Variants in CAPN3 observed in about 807,000 individuals in gnomAD.
CAPN3 encodes calpain-3.
In CAPN3, 88 loss-of-function variants were observed where a neutral mutation model predicts 114.0. That is an observed-to-expected ratio of 0.77 (90% confidence interval 0.65 to 0.92). The LOEUF is 0.92. CAPN3 is among the 40% of genes least tolerant of loss of function. The pLI is 0.00. For missense variants in CAPN3, 1,028 were observed against 1,069.0 expected, an observed-to-expected ratio of 0.96 and a Z score of 0.53; for synonymous variants, 386 against 382.9, an observed-to-expected ratio of 1.01 and a Z score of -0.09.
chr15:42,397,003 C>T, intron 9 of CAPN3, 126 bp downstream of exon 9: 1 of 746,808 alleles, frequency 1.3e-6, no homozygotes, highest in Non-Finnish European at 2.4e-6. Flanking sequence ...GTGTTCTCCT[C>T]CAGCCCAAGG....
rs1366875163 is a variant in CAPN3, at chr15:42,412,053, C to T, written c.*280C>T. 1 of 1,527,524 alleles carries T rather than the reference C, an allele frequency of 6.5e-7. No individual in the cohort carries two copies. Among genetic ancestry groups the T allele is most frequent in the Non-Finnish European group, 8.8e-7 (1 of 1,142,830 alleles). 94.6% of individuals were successfully genotyped at this position (1,527,524 alleles called of 1,614,324 possible). ...GCCTCTGGTCCGAGCCGCCTCGGTT[C>T]TGAAGCGAGTGCTCCTGCTTACCTT... is the stretch of plus-strand genomic sequence containing the variant. On this transcript the variant is annotated 3_prime_UTR_variant, in exon 24 of 24. Transcript: ENST00000397163.
chr15:42,411,690 G>GC (rs533985749), intron 23 of CAPN3, 57 bp from the exon 24 acceptor site: 50 of 184,440 alleles, frequency 2.7e-4, no homozygotes, highest in South Asian at 6.3e-4. Context: ...TCCTAGGGCG[G>GC]GGGGGGGGGG....
chr15:42,401,485 C>T lies in CAPN3; in HGVS notation c.1355-156C>T, dbSNP rs28364482. Among the ~76,000 whole-genome samples, 13,901 of 127,068 alleles carry T rather than the reference C, an allele frequency of 0.11. 1,803 individuals carry two copies. The highest frequency in any genetic ancestry group is 0.3 in the African/African-American group (9,668 of 31,920). The allele number at this position is 127,068 out of a possible 152,430, so 83.4% of individuals were successfully genotyped here. On this transcript the variant is annotated intron_variant, in intron 10 of 23. Transcript: ENST00000397163. ...GAATAAAGGTAGCGCCCCCCCCCCC[C>T]CCAAATCATTAGAGAAATGCCTGAA...
intron 1 of CAPN3, among the ~76,000 whole-genome samples, chr15:42,379,941 A>G (rs1261834885): frequency 6.6e-6 from 1 of 152,056 alleles, no homozygotes; most frequent in African/African-American, 2.4e-5. Context: ...ACATGGTGAA[A>G]CCCCATCTCT....
intron 9 of CAPN3, 26 bp downstream of exon 9, chr15:42,396,903 A>G (rs1007130873): frequency 6.4e-7 from 1 of 1,551,296 alleles, no homozygotes; most frequent in African/African-American, 1.4e-5. Context: ...AGGAAGACCC[A>G]GAAGGGTAAG....
At chr15:42,401,998 G>A in intron 11 of CAPN3, 126 bp from the exon 12 acceptor site, 1 of 1,376,624 alleles carries the variant, frequency 7.3e-7, no homozygotes, top group South Asian at 1.2e-5. Context: ...CAGTGGAGCG[G>A]GCCTGGCAGA....
chr15:42,364,164 A>G (rs2052720689), intron 1 of CAPN3, among the ~76,000 whole-genome samples: 1 of 152,236 alleles, frequency 6.6e-6, no homozygotes, highest in Non-Finnish European at 1.5e-5. Flanking sequence ...ACAGTGGCTA[A>G]GAGCCCAGGC....
chr15:42,397,333 C>A (rs1393943324), intron 9 of CAPN3, among the ~76,000 whole-genome samples: 1 of 152,194 alleles, frequency 6.6e-6, no homozygotes, highest in Non-Finnish European at 1.5e-5. Flanking sequence ...ATTTATGATG[C>A]TCATCACCCT....
In CAPN3 at chr15:42,401,797, T is replaced by G. The variant is rs748738076; in HGVS notation, c.1511T>G (p.Phe504Cys). 4 of 1,613,586 alleles carry G rather than the reference T, an allele frequency of 2.5e-6. No individual in the cohort carries two copies. In the South Asian group the frequency reaches 4.4e-5, roughly 18 times the overall value. ...KLGASLFTIG[F>C]AIYEVPKEMH... ...GGGGCCAGTCTCTTCACCATTGGCTTCGCCATCTACGAGGTGTGCAGTCCT... is the reference window on the plus strand; with the variant it reads ...GGGGCCAGTCTCTTCACCATTGGCTGCGCCATCTACGAGGTGTGCAGTCCT... The change falls in exon 11 of 24, where the codon TTC becomes TGC. Residue 504 changes from phenylalanine to cysteine, a missense_variant. Physicochemically the swap from Phe to Cys is radical, Grantham distance 205 (BLOSUM62 -2). Coordinates refer to ENST00000397163, the MANE Select transcript of CAPN3 (RefSeq NM_000070.3).
chr15:42,376,774 T>G (rs970089053), intron 1 of CAPN3, among the ~76,000 whole-genome samples: 1 of 152,216 alleles, frequency 6.6e-6, no homozygotes, highest in African/African-American at 2.4e-5. Flanking sequence ...GATATGTGTG[T>G]GTACTAAGCC....
At chr15:42,379,625 G>A (rs1360090918) in intron 1 of CAPN3, among the ~76,000 whole-genome samples, 5 of 152,106 alleles carry the variant, frequency 3.3e-5, no homozygotes, top group African/African-American at 4.8e-5. Flanking sequence ...GTTGTTAGGT[G>A]CACACACATT....
At position 42,396,883 on chromosome 15, in the gene CAPN3, T is replaced by C. The variant is rs1555421532; in HGVS notation, c.1193+6T>C. On this transcript the variant is annotated splice_donor_region_variant and intron_variant, in intron 9 of 23. Transcript: ENST00000397163. ...ACTGAGGATGGAGAGTTCTGGTGAG[T>C]CCAGAACCCAGGAAGACCCAGAAGG... The C allele has an allele frequency of 1.2e-6, 2 of 1,605,384 alleles. No homozygotes were observed. Among genetic ancestry groups the C allele is most frequent in the Non-Finnish European group, 1.7e-6 (2 of 1,172,204 alleles).
In CAPN3 at chr15:42,385,974, C is replaced by G. The variant is rs1479077339; in HGVS notation, c.380-193C>G. On this transcript the variant is annotated intron_variant, in intron 2 of 23. Transcript: ENST00000397163. ...ACAAGGGAGTAAGTTACCTGTTGAT[C>G]ATATTGTCAAGGAATTCCTGTCCAA... 3 of 736,660 alleles carry G rather than the reference C, an allele frequency of 4.1e-6. No homozygotes were observed. In the East Asian group the frequency reaches 7.5e-5, roughly 18 times the overall value. 45.6% of individuals were successfully genotyped at this position (736,660 alleles called of 1,614,324 possible).
chr15:42,412,022 G>C lies in CAPN3; in HGVS notation c.*249G>C. The C allele has an allele frequency of 1.3e-6, 2 of 1,510,138 alleles. No individual in the cohort carries two copies. Among genetic ancestry groups the C allele is most frequent in the Non-Finnish European group, 1.8e-6 (2 of 1,133,380 alleles). The allele number at this position is 1,510,138 out of a possible 1,614,324, so 93.5% of individuals were successfully genotyped here. A position where few individuals can be genotyped will look rare whatever the true frequency, so the allele number is the denominator to read the frequency against. ...TTGTCCCTTTGCCATGTGGAGGAAA[G>C]TGCCTGCCTCTGGTCCGAGCCGCCT... is the stretch of plus-strand genomic sequence containing the variant. On this transcript the variant is annotated 3_prime_UTR_variant, in exon 24 of 24. Transcript: ENST00000397163.
intron 3 of CAPN3, 22 bp from the exon 4 acceptor site, chr15:42,387,731 T>G (rs1205549301): frequency 6.2e-7 from 1 of 1,614,052 alleles, no homozygotes; most frequent in African/African-American, 1.3e-5. Flanking sequence ...TATGTGACTC[T>G]GTGCGTGACG....
chr15:42,390,016 C>T lies in CAPN3; in HGVS notation c.865C>T (p.Arg289Trp), dbSNP rs528417986. The T allele has an allele frequency of 2.7e-5, 43 of 1,614,050 alleles. No individual in the cohort carries two copies. The highest frequency in any genetic ancestry group is 8.0e-5 in the African/African-American group (6 of 74,992). Reference protein sequence around the residue: ...SGLNMGELIARMVRNMDNSLL... With the variant: ...SGLNMGELIAWMVRNMDNSLL... ...TCTGAACATGGGGGAGTTGATTGCA[C>T]GGATGGTAAGGAATATGGATAACTC... is the stretch of plus-strand genomic sequence containing the variant. The change falls in exon 6 of 24, where the codon CGG (arginine) becomes TGG (tryptophan). Residue 289 changes from arginine (R) to tryptophan (W), a missense_variant. Transcript: ENST00000397163.
At chr15:42,364,160 G>A (rs1016005083) in intron 1 of CAPN3, among the ~76,000 whole-genome samples, 2 of 152,180 alleles carry the variant, frequency 1.3e-5, no homozygotes, top group African/African-American at 4.8e-5. Context: ...TGGCACAGTG[G>A]CTAAGAGCCC....
chr15:42,375,407 A>G (rs115169545), intron 1 of CAPN3, among the ~76,000 whole-genome samples: 1,607 of 152,126 alleles, frequency 0.011, 26 homozygotes, highest in African/African-American at 0.036. Context: ...AGGCTACCTT[A>G]TGGCGCAACC....
chr15:42,407,690 C>T (rs2054063061), intron 15 of CAPN3, among the ~76,000 whole-genome samples: 1 of 152,190 alleles, frequency 6.6e-6, no homozygotes, highest in African/African-American at 2.4e-5. Context: ...TCTGATGGCT[C>T]ACCCACTGAC....
Sources: allele counts gnomAD v4.1 joint callset (sites outside exome capture counted in the v4.1 genomes callset), GRCh38; gene constraint gnomAD v4.1.1; transcripts MANE v1.5; gene names NCBI Gene and HGNC (gene_info 2026-07-23, HGNC 2026-07-21).